BAALC: variants seen among roughly 807,000 people sequenced by gnomAD.
BAALC encodes the protein BAALC binder of MAP3K1 and KLF4.
A neutral mutation model predicts 15.5 loss-of-function variants in BAALC; 9 were observed. That is an observed-to-expected ratio of 0.58 (90% CI 0.35 to 1.02). The LOEUF (loss-of-function observed/expected upper bound fraction) is 1.02, where lower values mean the gene tolerates loss of function less well. Ranked by LOEUF, BAALC falls within the 50% of genes least tolerant of loss-of-function variation. The probability of loss-of-function intolerance (pLI) is 0.02; values close to 1 mark genes in which losing one functional copy is unlikely to be tolerated. For synonymous variants in BAALC, 80 were observed against 74.6 expected, an observed-to-expected ratio of 1.07 and a Z score of -0.37; for missense variants, 201 against 192.4, an observed-to-expected ratio of 1.04 and a Z score of -0.27.
intron 1 of BAALC, among the ~76,000 whole-genome samples, chr8:103,158,802 T>A (rs1811159370): frequency 6.6e-6 from 1 of 152,190 alleles, no homozygotes; most frequent in Non-Finnish European, 1.5e-5. Context: ...AATTGTTTAT[T>A]TCTGGAATTT....
chr8:103,146,266 G>A (rs896897276), intron 1 of BAALC, among the ~76,000 whole-genome samples: 3 of 152,132 alleles, frequency 2.0e-5, no homozygotes, highest in Non-Finnish European at 2.9e-5. Context: ...GACTGTCCGA[G>A]CCAACCCTCC....
At chr8:103,199,835 G>T (rs1463480116) in intron 1 of BAALC, among the ~76,000 whole-genome samples, 1 of 151,954 alleles carries the variant, frequency 6.6e-6, no homozygotes, top group Non-Finnish European at 1.5e-5. Context: ...ATAGGCCTCA[G>T]TGTGTGTTGT....
intron 1 of BAALC, chr8:103,200,587 C>A: frequency 3.8e-6 from 2 of 523,542 alleles, no homozygotes; most frequent in South Asian, 3.2e-5. Context: ...GGACTGTCTT[C>A]CTCTGTTCTG....
At position 103,190,535 on chromosome 8, in the gene BAALC, A is replaced by G. The variant is rs576818652; in HGVS notation, c.161-22384A>G. ...TTTCTGTTTTCTTGACTATTTAGCAATTATCTAGGGGTATTATAAAGTGTT... is the reference window on the plus strand; with the variant it reads ...TTTCTGTTTTCTTGACTATTTAGCAGTTATCTAGGGGTATTATAAAGTGTT... On this transcript the variant is annotated intron_variant, in intron 1 of 2. Coordinates refer to ENST00000309982, the MANE Select transcript of BAALC (RefSeq NM_024812.3). 4.6e-5 allele frequency among the ~76,000 whole-genome samples: 7 copies of G among 152,322 alleles called. No individual in the cohort carries two copies. In the East Asian group the frequency reaches 7.7e-4, roughly 17 times the overall value.
chr8:103,165,337 G>A (rs993331518), intron 1 of BAALC, among the ~76,000 whole-genome samples: 5 of 152,094 alleles, frequency 3.3e-5, no homozygotes, highest in African/African-American at 4.8e-5. Context: ...ATCCCTTCAC[G>A]CTCCTACCAA....
At chr8:103,165,132 G>T (rs1424698404) in intron 1 of BAALC, among the ~76,000 whole-genome samples, 1 of 152,164 alleles carries the variant, frequency 6.6e-6, no homozygotes, top group East Asian at 1.9e-4. Flanking sequence ...ATGATAATAT[G>T]GAAGCATAGC....
intron 1 of BAALC, among the ~76,000 whole-genome samples, chr8:103,209,787 A>C (rs1253068963): frequency 1.3e-5 from 2 of 152,238 alleles, no homozygotes; most frequent in Non-Finnish European, 2.9e-5. Context: ...TCAACTAGAC[A>C]AGTCTGCCTT....
intron 1 of BAALC, among the ~76,000 whole-genome samples, chr8:103,166,722 A>G (rs954592767): frequency 1.3e-5 from 2 of 152,222 alleles, no homozygotes; most frequent in African/African-American, 4.8e-5. Context: ...CACATTCACT[A>G]TTAATGAGGT....
At chr8:103,213,981 C>A (rs1313152587) in intron 2 of BAALC, among the ~76,000 whole-genome samples, 1 of 152,180 alleles carries the variant, frequency 6.6e-6, no homozygotes, top group Non-Finnish European at 1.5e-5. Context: ...CCAAATCTGC[C>A]TCCACAAAGA....
intron 1 of BAALC, among the ~76,000 whole-genome samples, chr8:103,203,834 T>C (rs1812273427): frequency 6.6e-6 from 1 of 152,220 alleles, no homozygotes; most frequent in African/African-American, 2.4e-5. Context: ...ATTCATCAAT[T>C]GATGGATATT....
chr8:103,222,022 G>A (rs906847709), intron 2 of BAALC, among the ~76,000 whole-genome samples: 8 of 152,178 alleles, frequency 5.3e-5, no homozygotes, highest in African/African-American at 1.9e-4. Context: ...AAAGCAAAGT[G>A]GGCAGGTGGC....
intron 1 of BAALC, among the ~76,000 whole-genome samples, chr8:103,164,640 G>T (rs1230992656): frequency 6.6e-6 from 1 of 152,126 alleles, no homozygotes; most frequent in Non-Finnish European, 1.5e-5. Context: ...GTCCTCACTA[G>T]GCCTGCCCTT....
chr8:103,157,231 C>T (rs563187488), intron 1 of BAALC, among the ~76,000 whole-genome samples: 2 of 152,040 alleles, frequency 1.3e-5, no homozygotes, highest in Non-Finnish European at 2.9e-5. Flanking sequence ...TTCTAGAACC[C>T]CTTAATTGTA....
chr8:103,212,985 A>G lies in BAALC; in HGVS notation c.227A>G (p.Asn76Ser), dbSNP rs758008439. ...TCTACAGCCCCAGGTGGAATACCCA[A>G]CCCAGAGAAGAAGACGAACTGTGAG... Reference protein sequence around the residue: ...PRSTAPGGIPNPEKKTNCETQ... With the variant: ...PRSTAPGGIPSPEKKTNCETQ... The change falls in exon 2 of 3, where the codon AAC (asparagine) becomes AGC (serine). Residue 76 changes from asparagine to serine, a missense_variant. Transcript: ENST00000309982. 1.2e-6 allele frequency: 2 copies of G among 1,614,112 alleles called. No homozygotes were observed. Among genetic ancestry groups the G allele is most frequent in the Non-Finnish European group, 1.7e-6 (2 of 1,179,972 alleles).
At chr8:103,181,504 C>T (rs1275170128) in intron 1 of BAALC, among the ~76,000 whole-genome samples, 1 of 152,082 alleles carries the variant, frequency 6.6e-6, no homozygotes, top group Non-Finnish European at 1.5e-5. Flanking sequence ...GATCTCCTGA[C>T]CTCGTGATCT....
chr8:103,200,153 C>T (rs906122280), intron 1 of BAALC, among the ~76,000 whole-genome samples: 3 of 151,970 alleles, frequency 2.0e-5, no homozygotes, highest in Admixed American at 1.3e-4. Flanking sequence ...CAATGAGATA[C>T]CATCTAACAC....
At position 103,181,487 on chromosome 8, in the gene BAALC, T is replaced by C. The variant is rs970920183; in HGVS notation, c.161-31432T>C. On this transcript the variant is annotated intron_variant, in intron 1 of 2. Coordinates refer to ENST00000309982, the MANE Select transcript of BAALC (RefSeq NM_024812.3). ...GGGGGTTTCACCATGTTAGCCAGGA[T>C]GGTCTCGATCTCCTGACCTCGTGAT... Among the ~76,000 whole-genome samples the C allele has an allele frequency of 5.3e-5, 8 of 152,118 alleles. 1 individual carries two copies. Among genetic ancestry groups the C allele is most frequent in the African/African-American group, 1.7e-4 (7 of 41,418 alleles).
chr8:103,150,303 C>A (rs1810957270), intron 1 of BAALC, among the ~76,000 whole-genome samples: 1 of 151,844 alleles, frequency 6.6e-6, no homozygotes, highest in Non-Finnish European at 1.5e-5. Context: ...GGGGACACAG[C>A]CAAACCATAT....
At chr8:103,223,633 A>T (rs1010816175) in intron 2 of BAALC, among the ~76,000 whole-genome samples, 1 of 151,862 alleles carries the variant, frequency 6.6e-6, no homozygotes, top group Non-Finnish European at 1.5e-5. Context: ...GATTACAATT[A>T]TATATATATA....
Sources: allele counts gnomAD v4.1 joint callset (sites outside exome capture counted in the v4.1 genomes callset), GRCh38; gene constraint gnomAD v4.1.1; transcripts MANE v1.5; gene names NCBI Gene and HGNC (gene_info 2026-07-23, HGNC 2026-07-21).